PXDNL: variants seen among roughly 807,000 people sequenced by gnomAD.
PXDNL encodes the protein peroxidasin like.
In PXDNL, 145 loss-of-function variants were observed where a neutral mutation model predicts 150.8. The ratio of observed to expected loss-of-function variants is 0.96; its 90% CI spans 0.84 to 1.10. The LOEUF (loss-of-function observed/expected upper bound fraction) is 1.10, where lower values mean the gene tolerates loss of function less well. Ranked by LOEUF, PXDNL falls within the 50% of genes least tolerant of loss-of-function variation. The pLI is 0.00. For synonymous variants in PXDNL, 757 were observed against 725.7 expected (o/e 1.04, Z -0.69); for missense variants, 2,087 against 1,873.9 (o/e 1.11, Z -2.10).
chr8:51,337,591 A>T (rs1022941422), intron 21 of PXDNL, among the ~76,000 whole-genome samples: 2 of 152,234 alleles, frequency 1.3e-5, no homozygotes, highest in African/African-American at 4.8e-5. Context: ...TATAAGGCTC[A>T]GACTGGGCTG....
At chr8:51,467,817 A>G (rs1810235623) in intron 8 of PXDNL, among the ~76,000 whole-genome samples, 1 of 151,944 alleles carries the variant, frequency 6.6e-6, no homozygotes, top group African/African-American at 2.4e-5. Context: ...TGCTCTACAC[A>G]CTTTCCTGAA....
At chr8:51,428,655 T>C (rs1809173185) in intron 12 of PXDNL, among the ~76,000 whole-genome samples, 1 of 152,178 alleles carries the variant, frequency 6.6e-6, no homozygotes, top group African/African-American at 2.4e-5. Flanking sequence ...TGGATAACCA[T>C]AGGCAGAAAA....
chr8:51,772,013 G>A (rs2037301246), intron 1 of PXDNL, among the ~76,000 whole-genome samples: 2 of 152,002 alleles, frequency 1.3e-5, no homozygotes, highest in African/African-American at 4.8e-5. Context: ...GTGGTCCAGT[G>A]GAGCAGCTGG....
At chr8:51,740,652 C>A (rs2036895543) in intron 1 of PXDNL, among the ~76,000 whole-genome samples, 1 of 151,788 alleles carries the variant, frequency 6.6e-6, no homozygotes, top group African/African-American at 2.4e-5. Context: ...CTATTCACGT[C>A]CTTTGCCCAC....
At chr8:51,489,054 A>T (rs1810833970) in intron 5 of PXDNL, among the ~76,000 whole-genome samples, 1 of 152,220 alleles carries the variant, frequency 6.6e-6, no homozygotes, top group Admixed American at 6.5e-5. Flanking sequence ...AAAAGTAAGT[A>T]AAACATACCA....
intron 1 of PXDNL, among the ~76,000 whole-genome samples, chr8:51,726,096 T>C (rs954236136): frequency 3.3e-5 from 5 of 152,230 alleles, no homozygotes; most frequent in Admixed American, 2.6e-4. Flanking sequence ...GACTTAAACA[T>C]TACAGAAAGA....
chr8:51,483,616 T>A (rs2130172093), intron 6 of PXDNL, 27 bp downstream of exon 6: 1 of 1,373,460 alleles, frequency 7.3e-7, no homozygotes, highest in South Asian at 1.3e-5. Flanking sequence ...AAAAGGTTTT[T>A]GTGTTAATGC....
At chr8:51,421,713 G>A (rs927484157) in intron 14 of PXDNL, among the ~76,000 whole-genome samples, 1 of 152,042 alleles carries the variant, frequency 6.6e-6, no homozygotes, top group South Asian at 2.1e-4. Flanking sequence ...AAAATAAAAA[G>A]CAATTTTAAA....
intron 2 of PXDNL, among the ~76,000 whole-genome samples, chr8:51,631,592 T>C (rs542663698): frequency 1.2e-4 from 18 of 152,212 alleles, no homozygotes; most frequent in African/African-American, 4.3e-4. Flanking sequence ...TACAGAGAAG[T>C]GAAAATATCC....
At chr8:51,423,523 G>A in intron 14 of PXDNL, 52 bp downstream of exon 14, 1 of 1,510,966 alleles carries the variant, frequency 6.6e-7, no homozygotes. Flanking sequence ...TGGGGTAGAA[G>A]CTGTTCAAAG....
chr8:51,748,905 C>A (rs896379596), intron 1 of PXDNL, among the ~76,000 whole-genome samples: 1 of 152,136 alleles, frequency 6.6e-6, no homozygotes. Flanking sequence ...TAAAAATAAG[C>A]AGAATGCATT....
intron 1 of PXDNL, among the ~76,000 whole-genome samples, chr8:51,793,330 G>T (rs2037530853): frequency 6.6e-6 from 1 of 152,078 alleles, no homozygotes; most frequent in Admixed American, 6.6e-5. Context: ...CTCCACAAAG[G>T]TCAGCAGCCT....
chr8:51,735,837 C>T (rs760244744), intron 1 of PXDNL, among the ~76,000 whole-genome samples: 7 of 152,214 alleles, frequency 4.6e-5, no homozygotes, highest in South Asian at 4.1e-4. Context: ...TGAGCCACCG[C>T]GCCCGGCCTA....
chr8:51,498,745 C>T (rs1356872607), intron 5 of PXDNL, among the ~76,000 whole-genome samples: 1 of 152,180 alleles, frequency 6.6e-6, no homozygotes, highest in East Asian at 1.9e-4. Flanking sequence ...TGGCCTCTCT[C>T]CTACTAAAGG....
intron 6 of PXDNL, among the ~76,000 whole-genome samples, chr8:51,483,035 G>A (rs1328825520): frequency 6.6e-6 from 1 of 152,204 alleles, no homozygotes; most frequent in Non-Finnish European, 1.5e-5. Context: ...GAGGGGGTGG[G>A]TAACCACAAA....
At chr8:51,533,541 C>T (rs1172618609) in intron 4 of PXDNL, among the ~76,000 whole-genome samples, 2 of 141,010 alleles carry the variant, frequency 1.4e-5, no homozygotes, top group African/African-American at 5.5e-5. Context: ...CCTCTGATGC[C>T]GAGCCAAAGC....
intron 1 of PXDNL, among the ~76,000 whole-genome samples, chr8:51,717,411 G>C (rs1369536459): frequency 2.0e-5 from 3 of 152,222 alleles, no homozygotes; most frequent in Non-Finnish European, 4.4e-5. Flanking sequence ...TCTTGCAAAA[G>C]AACTGCAGAG....
intron 9 of PXDNL, 126 bp from the exon 10 acceptor site, chr8:51,453,911 A>G (rs1412229219): frequency 1.3e-6 from 1 of 794,342 alleles, no homozygotes; most frequent in Admixed American, 2.9e-5. Context: ...TATTACACAT[A>G]TATATATATA....
intron 22 of PXDNL, 24 bp from the exon 23 acceptor site, chr8:51,320,046 A>T: frequency 1.4e-6 from 2 of 1,398,052 alleles, no homozygotes; most frequent in Non-Finnish European, 1.9e-6. Context: ...TGCACATATC[A>T]CCTCCATGTT....
Sources: allele counts gnomAD v4.1 joint callset (sites outside exome capture counted in the v4.1 genomes callset), GRCh38; gene constraint gnomAD v4.1.1; transcripts MANE v1.5; gene names NCBI Gene and HGNC (gene_info 2026-07-23, HGNC 2026-07-21).